Variants in PID1 observed in about 807,000 individuals in gnomAD.
PID1 encodes phosphotyrosine interaction domain containing 1, also known as PTB-containing, cubilin and LRP1-interacting protein.
PID1 carries 10 observed loss-of-function variants against 19.1 expected under a neutral mutation model. That is an observed-to-expected ratio of 0.52 (90% CI 0.32 to 0.89). The LOEUF (loss-of-function observed/expected upper bound fraction) is 0.89. Ranked by LOEUF, PID1 falls within the 40% of genes least tolerant of loss-of-function variation. The pLI, the probability that PID1 is intolerant of heterozygous loss-of-function variation, is 0.03. For missense variants in PID1, 248 were observed against 285.3 expected (o/e 0.87, Z 0.94); for synonymous variants, 130 against 116.0 (o/e 1.12, Z -0.78).
At chr2:229,178,816 G>A (rs1186499800) in intron 1 of PID1, among the ~76,000 whole-genome samples, 1 of 152,088 alleles carries the variant, frequency 6.6e-6, no homozygotes, top group Non-Finnish European at 1.5e-5. Flanking sequence ...CTTGTGGTCT[G>A]GAGGAATCAG....
At chr2:229,108,629 A>T (rs1014102704) in intron 2 of PID1, among the ~76,000 whole-genome samples, 1 of 152,200 alleles carries the variant, frequency 6.6e-6, no homozygotes, top group African/African-American at 2.4e-5. Context: ...CAGTCTAGGC[A>T]GAAGGAACAA....
At position 229,089,481 on chromosome 2, in the gene PID1, G is replaced by A. The variant is rs189408789; in HGVS notation, c.178-63373C>T. Among the ~76,000 whole-genome samples the A allele has an allele frequency of 8.5e-5, 13 of 152,280 alleles. No homozygotes were observed. In the East Asian group the frequency reaches 2.1e-3, roughly 25 times the overall value. On this transcript the variant is annotated intron_variant, in intron 2 of 2. Coordinates refer to ENST00000392055, the MANE Select transcript of PID1 (RefSeq NM_001100818.2). ...GTCATTGGAATAACCTTGATCCCTA[G>A]ACGCCGCCATTTCCCTCAAGTGAGT...
intron 1 of PID1, among the ~76,000 whole-genome samples, chr2:229,177,897 C>T (rs994185258): frequency 6.6e-6 from 1 of 152,152 alleles, no homozygotes; most frequent in African/African-American, 2.4e-5. Flanking sequence ...AACTGAGGAA[C>T]AAAGAGGCTC....
At chr2:229,029,352 T>C (rs1358688301) in intron 2 of PID1, among the ~76,000 whole-genome samples, 1 of 146,160 alleles carries the variant, frequency 6.8e-6, no homozygotes, top group Non-Finnish European at 1.5e-5. Context: ...CATGCTACCA[T>C]CCTTAGAAAA....
In PID1 at chr2:229,156,031, A is replaced by T. The variant is rs1369200407; in HGVS notation, c.31-67T>A. On this transcript the variant is annotated intron_variant, in intron 1 of 2. Coordinates refer to ENST00000392055, the MANE Select transcript of PID1 (RefSeq NM_001100818.2). ...GGACTTTTATGTCCTGCAATTGTAC[A>T]TTAAACCCAGTAGCAACTTGTTTTA... 27 of 1,459,778 alleles carry T rather than the reference A, an allele frequency of 1.8e-5. No individual in the cohort carries two copies. In the Admixed American group the frequency reaches 5.0e-4, roughly 27 times the overall value. The allele number at this position is 1,459,778 out of a possible 1,614,324, so 90.4% of individuals were successfully genotyped here.
At chr2:229,124,057 C>G (rs565786669) in intron 2 of PID1, among the ~76,000 whole-genome samples, 2 of 151,930 alleles carry the variant, frequency 1.3e-5, no homozygotes, top group East Asian at 3.9e-4. Context: ...TAAAATATGG[C>G]GAGACTGGAA....
chr2:229,267,501 T>G (rs1690620111), intron 1 of PID1, among the ~76,000 whole-genome samples: 1 of 152,228 alleles, frequency 6.6e-6, no homozygotes, highest in Admixed American at 6.5e-5. Flanking sequence ...CTGCTAGAAC[T>G]CATACGCCTA....
chr2:229,247,184 T>C (rs1035809115), intron 1 of PID1, among the ~76,000 whole-genome samples: 3 of 152,078 alleles, frequency 2.0e-5, no homozygotes, highest in Admixed American at 6.6e-5. Flanking sequence ...CAGCTGCAAA[T>C]GAAAGATAAA....
At chr2:229,061,328 A>C (rs1694208183) in intron 2 of PID1, among the ~76,000 whole-genome samples, 1 of 151,950 alleles carries the variant, frequency 6.6e-6, no homozygotes, top group South Asian at 2.1e-4. Flanking sequence ...CATGTGGAGA[A>C]CCAGTTTTCC....
intron 2 of PID1, among the ~76,000 whole-genome samples, chr2:229,097,899 C>T (rs563925473): frequency 2.0e-5 from 3 of 152,258 alleles, no homozygotes; most frequent in East Asian, 3.9e-4. Flanking sequence ...ACTGCCAGTT[C>T]GATAGAGCAT....
At chr2:229,187,067 A>G (rs1392556061) in intron 1 of PID1, among the ~76,000 whole-genome samples, 1 of 152,202 alleles carries the variant, frequency 6.6e-6, no homozygotes, top group Non-Finnish European at 1.5e-5. Context: ...CCAGTTCCCA[A>G]CAAGTTCCTC....
intron 2 of PID1, among the ~76,000 whole-genome samples, chr2:229,135,755 G>A (rs1407997451): frequency 1.3e-5 from 2 of 152,072 alleles, no homozygotes; most frequent in African/African-American, 2.4e-5. Flanking sequence ...CCTGGGGGCA[G>A]AAAAAAAGAC....
chr2:229,053,855 G>A lies in PID1; in HGVS notation c.178-27747C>T, dbSNP rs561637594. On this transcript the variant is annotated intron_variant, in intron 2 of 2. Coordinates refer to ENST00000392055, the MANE Select transcript of PID1 (RefSeq NM_001100818.2). ...GGAGAGCCCAATCAGTCAAGACAGA[G>A]TCATGACCAACGTTTTGGGATCTCC... 2.6e-5 allele frequency among the ~76,000 whole-genome samples: 4 copies of A among 152,320 alleles called. No homozygotes were observed. In the South Asian group the frequency reaches 8.3e-4, roughly 32 times the overall value.
chr2:229,077,447 G>C (rs185863016), intron 2 of PID1, among the ~76,000 whole-genome samples: 4 of 152,306 alleles, frequency 2.6e-5, no homozygotes, highest in Admixed American at 2.6e-4. Flanking sequence ...TTTTAGTCAT[G>C]AAGTCTTTGC....
intron 1 of PID1, among the ~76,000 whole-genome samples, chr2:229,194,215 T>A (rs1166753288): frequency 1.3e-5 from 2 of 151,970 alleles, no homozygotes; most frequent in Admixed American, 1.3e-4. Flanking sequence ...GAGAAAAAAA[T>A]GCACAGTTAA....
intron 1 of PID1, among the ~76,000 whole-genome samples, chr2:229,256,883 G>C (rs1245730306): frequency 6.6e-6 from 1 of 152,096 alleles, no homozygotes; most frequent in African/African-American, 2.4e-5. Flanking sequence ...TTTTTAAGTT[G>C]AGAAAATACA....
chr2:229,051,870 C>T (rs1362103468), intron 2 of PID1, among the ~76,000 whole-genome samples: 1 of 152,094 alleles, frequency 6.6e-6, no homozygotes, highest in Non-Finnish European at 1.5e-5. Context: ...CACATTCTTC[C>T]TATAACATTG....
intron 2 of PID1, among the ~76,000 whole-genome samples, chr2:229,107,719 T>C (rs1574634070): frequency 6.6e-6 from 1 of 152,190 alleles, no homozygotes; most frequent in Non-Finnish European, 1.5e-5. Flanking sequence ...TTTAAAGTCT[T>C]ACCCACTGAA....
chr2:229,166,321 G>C (rs1393342082), intron 1 of PID1, among the ~76,000 whole-genome samples: 1 of 150,318 alleles, frequency 6.7e-6, no homozygotes, highest in African/African-American at 2.4e-5. Flanking sequence ...AACGAAGAGA[G>C]GAGAGTGAGG....
Sources: gnomAD v4.1 joint callset for allele counts (sites outside exome capture counted in the v4.1 genomes callset) on GRCh38, gnomAD v4.1.1 for gene constraint, MANE v1.5 for transcripts, NCBI Gene and HGNC (gene_info 2026-07-23, HGNC 2026-07-21) for gene names.